Variants in IGDCC4 observed in about 807,000 individuals in gnomAD.
IGDCC4 encodes immunoglobulin superfamily DCC subclass member 4, also known as likely ortholog of mouse neighbor of Punc E11.
A neutral mutation model predicts 116.6 loss-of-function variants in IGDCC4; 72 were observed. That is an observed-to-expected ratio of 0.62 (90% CI 0.51 to 0.75). The LOEUF (loss-of-function observed/expected upper bound fraction) is 0.75, where lower values mean the gene tolerates loss of function less well. Among genes scored for constraint, IGDCC4 ranks in the 30% least tolerant of loss-of-function variants. The pLI is 0.00. For synonymous variants in IGDCC4, 709 were observed against 719.9 expected (o/e 0.98, Z 0.24); for missense variants, 1,501 against 1,662.4 (o/e 0.90, Z 1.69).
intron 1 of IGDCC4, among the ~76,000 whole-genome samples, chr15:65,422,519 A>AAC (rs140587709): frequency 0.13 from 16,982 of 131,156 alleles, 1,132 homozygotes; most frequent in South Asian, 0.16. Flanking sequence ...GAGCACTCCC[A>AAC]ACACACACAC....
chr15:65,393,645 T>A lies in IGDCC4; in HGVS notation c.1715-114A>T. On this transcript the variant is annotated intron_variant, in intron 9 of 19. Transcript: ENST00000352385. This position sits in a 1 kb window ranked among gnomAD's most constrained non-coding sequence, Gnocchi z 4.6. Reference sequence around the variant, plus strand: ...CGGTTCCTCCGTGCCCGTGGGAGCCTGAGGCGTTCTCAGCACTGACCCCTC... The same window carrying A: ...CGGTTCCTCCGTGCCCGTGGGAGCCAGAGGCGTTCTCAGCACTGACCCCTC... 1.8e-6 allele frequency: 2 copies of A among 1,117,086 alleles called. No homozygotes were observed. Among genetic ancestry groups the A allele is most frequent in the Non-Finnish European group, 2.5e-6 (2 of 792,752 alleles). The allele number at this position is 1,117,086 out of a possible 1,614,324, so 69.2% of individuals were successfully genotyped here.
rs114525964 is a variant in IGDCC4, at chr15:65,385,326, G to A, written c.3181-211C>T. ...AGGATGAGTCCTCCTGCAGAGGAGCGGAACACCAGACGCTCTGCAAAGCCC... is the reference window on the plus strand; with the variant it reads ...AGGATGAGTCCTCCTGCAGAGGAGCAGAACACCAGACGCTCTGCAAAGCCC... On this transcript the variant is annotated intron_variant, in intron 18 of 19. Coordinates refer to ENST00000352385, the MANE Select transcript of IGDCC4 (RefSeq NM_020962.3). 6.2e-4 allele frequency: 363 copies of A among 587,228 alleles called. 2 individuals carry two copies. In the African/African-American group the frequency reaches 6.5e-3, roughly 10 times the overall value. 36.4% of individuals were successfully genotyped at this position (587,228 alleles called of 1,614,324 possible).
chr15:65,414,191 GA>G (rs1046804249), intron 1 of IGDCC4, among the ~76,000 whole-genome samples: 20 of 152,238 alleles, frequency 1.3e-4, no homozygotes, highest in African/African-American at 4.8e-4. Flanking sequence ...ATGGCTGCGT[GA>G]AATAAGGAGG....
chr15:65,384,972 C>T lies in IGDCC4; in HGVS notation c.3324G>A (p.Leu1108=). Residue 1108 remains leucine (L), a synonymous_variant, in exon 19 of 20, where the codon CTG becomes CTA. Coordinates refer to ENST00000352385, the MANE Select transcript of IGDCC4 (RefSeq NM_020962.3). The surrounding 1 kb of genome is among the most constrained non-coding windows in gnomAD (Gnocchi z 4.9). ...CGCTGACCTTTATGGCGTCGTACAC[C>T]AGAGCCTGCAGCAACAGCGTCTGCC... ...GTGQTLLLQA[L]VYDAIKGNGR... is the part of the protein sequence containing the mutation. The T allele has an allele frequency of 6.2e-7, 1 of 1,611,064 alleles. No individual in the cohort carries two copies. Among genetic ancestry groups the T allele is most frequent in the Non-Finnish European group, 8.5e-7 (1 of 1,178,898 alleles).
Position 65,393,438 on chromosome 15 carries a change from G to A in IGDCC4, c.1808C>T (p.Ala603Val). 2 of 1,613,814 alleles carry A rather than the reference G, an allele frequency of 1.2e-6. No homozygotes were observed. Among genetic ancestry groups the A allele is most frequent in the Non-Finnish European group, 1.7e-6 (2 of 1,179,864 alleles). The change falls in exon 10 of 20, where the codon GCT (alanine) becomes GTT (valine). Residue 603 changes from alanine (A) to valine (V), a missense_variant. By Grantham distance (64) the Ala-to-Val change is moderately conservative (BLOSUM62 0). Coordinates refer to ENST00000352385, the MANE Select transcript of IGDCC4 (RefSeq NM_020962.3). The surrounding 1 kb of genome is among the most constrained non-coding windows in gnomAD (Gnocchi z 4.6). Reference protein sequence around the residue: ...PNKVYRVRISAGTAAGFGAPS... With the variant: ...PNKVYRVRISVGTAAGFGAPS... Reference sequence around the variant, plus strand: ...GGCCCCGAAGCCGGCTGCTGTACCAGCCGAAATCCGTACTCGATACACCTT... The same window carrying A: ...GGCCCCGAAGCCGGCTGCTGTACCAACCGAAATCCGTACTCGATACACCTT...
At chr15:65,419,201 G>A (rs2063168974) in intron 1 of IGDCC4, among the ~76,000 whole-genome samples, 1 of 149,710 alleles carries the variant, frequency 6.7e-6, no homozygotes, top group African/African-American at 2.5e-5. Context: ...GGACAACAGG[G>A]AACACCACCA....
rs2091419270 is a variant in IGDCC4, at chr15:65,383,308, T to A, written c.*701A>T. 1 of 153,112 alleles carries A rather than the reference T, an allele frequency of 6.5e-6. No homozygotes were observed. The highest frequency in any genetic ancestry group is 2.4e-5 in the African/African-American group (1 of 41,408). 9.5% of individuals were successfully genotyped at this position (153,112 alleles called of 1,614,324 possible). A position where few individuals can be genotyped will look rare whatever the true frequency, so the allele number is the denominator to read the frequency against. On this transcript the variant is annotated 3_prime_UTR_variant, in exon 20 of 20. Coordinates refer to ENST00000352385, the MANE Select transcript of IGDCC4 (RefSeq NM_020962.3). ...GTATCTGGGAGCAGGAGAAGGGCAC[T>A]GGTGCTGGGAGAGCGAGGTGACTGG...
chr15:65,390,071 T>G lies in IGDCC4; in HGVS notation c.2408+84A>C, dbSNP rs182028144. 11 of 1,278,746 alleles carry G rather than the reference T, an allele frequency of 8.6e-6. No homozygotes were observed. The East Asian group carries it at 2.6e-4, about 30-fold the overall frequency. 79.2% of individuals were successfully genotyped at this position (1,278,746 alleles called of 1,614,324 possible). A position where few individuals can be genotyped will look rare whatever the true frequency, so the allele number is the denominator to read the frequency against. ...TTCCTGAATCCCAGGGGCCCTTCCC[T>G]GATCACCACCTGCTGCCTTCCCACC... On this transcript the variant is annotated intron_variant, in intron 13 of 19. Transcript: ENST00000352385.
Position 65,389,350 on chromosome 15 carries a change from G to C in IGDCC4, c.2470C>G (p.Gln824Glu). The change falls in exon 14 of 20, where the codon CAG becomes GAG. Residue 824 changes from glutamine (Q) to glutamate (E), a missense_variant. By Grantham distance (29) the Gln-to-Glu change is conservative. Coordinates refer to ENST00000352385, the MANE Select transcript of IGDCC4 (RefSeq NM_020962.3). ...CCATCCATGTCCACGCCGTGAGACT[G>C]CACTGCAAACTCGTATTTGGTGAAT... Reference protein sequence around the residue: ...KPFTKYEFAVQSHGVDMDGPF... With the variant: ...KPFTKYEFAVESHGVDMDGPF... 6.2e-7 allele frequency: 1 copy of C among 1,614,202 alleles called. No homozygotes were observed.
chr15:65,414,526 G>T (rs1039397252), intron 1 of IGDCC4, among the ~76,000 whole-genome samples: 2 of 152,154 alleles, frequency 1.3e-5, no homozygotes, highest in Admixed American at 1.3e-4. Flanking sequence ...AACTTTTCTG[G>T]GACTCAGTTT....
intron 1 of IGDCC4, among the ~76,000 whole-genome samples, chr15:65,414,297 AC>A (rs1264250298): frequency 6.6e-6 from 1 of 152,156 alleles, no homozygotes; most frequent in East Asian, 1.9e-4. Flanking sequence ...TTTCTGCTGG[AC>A]ACCTCTGGCT....
chr15:65,392,479 A>T (rs980903815), intron 10 of IGDCC4, 109 bp from the exon 11 acceptor site: 2 of 841,570 alleles, frequency 2.4e-6, no homozygotes, highest in African/African-American at 3.4e-5. Flanking sequence ...AGACAGGAAG[A>T]TGGCATTCAG....
Position 65,388,583 on chromosome 15 carries a change from T to C in IGDCC4, c.2711A>G (p.Asn904Ser), listed in dbSNP as rs1404628893. ...HQWTLLTTQG[N>S]IFSAEVHGLE... ...GCCATGGACCTCAGCACTGAAGATG[T>C]TTCCTGGGGGTGAGGGAGGCAGGGA... The change falls in exon 16 of 20, where the codon AAC (asparagine) becomes AGC (serine). Residue 904 changes from asparagine (N) to serine (S), a missense_variant. By Grantham distance (46) the Asn-to-Ser change is conservative. Around this residue, in one of 3 missense-constraint regions of IGDCC4, gnomAD observed 235 missense variants for 328.0 expected, o/e 0.72. Coordinates refer to ENST00000352385, the MANE Select transcript of IGDCC4 (RefSeq NM_020962.3). 1 of 1,614,030 alleles carries C rather than the reference T, an allele frequency of 6.2e-7. No homozygotes were observed. The highest frequency in any genetic ancestry group is 8.5e-7 in the Non-Finnish European group (1 of 1,180,024).
At position 65,382,520 on chromosome 15, in the gene IGDCC4, C is replaced by T. The variant is rs978824911; in HGVS notation, c.*1489G>A. 3 of 152,102 alleles carry T rather than the reference C, an allele frequency of 2.0e-5. No individual in the cohort carries two copies. The highest frequency in any genetic ancestry group is 2.1e-4 in the South Asian group (1 of 4,806). The allele number at this position is 152,102 out of a possible 1,614,324, so 9.4% of individuals were successfully genotyped here. A position where few individuals can be genotyped will look rare whatever the true frequency, so the allele number is the denominator to read the frequency against. On this transcript the variant is annotated 3_prime_UTR_variant, in exon 20 of 20. Coordinates refer to ENST00000352385, the MANE Select transcript of IGDCC4 (RefSeq NM_020962.3). The stretch of plus-strand genomic sequence containing the variant: ...CATCATTAGGGAGTAAAGACCCTAA[C>T]ATTCTATGCTCCTATGAGAGGGCTG...
Position 65,385,207 on chromosome 15 carries a change from G to A in IGDCC4, c.3181-92C>T, listed in dbSNP as rs1271624578. The stretch of plus-strand genomic sequence containing the variant: ...GGGAGGGAATTGGGATGGGCCGCGG[G>A]GGAGCAGGGTCCAGACTGTCACCCG... On this transcript the variant is annotated intron_variant, in intron 18 of 19. Coordinates refer to ENST00000352385, the MANE Select transcript of IGDCC4 (RefSeq NM_020962.3). 3.8e-6 allele frequency: 5 copies of A among 1,333,064 alleles called. No individual in the cohort carries two copies. The East Asian group carries it at 1.3e-4, about 35-fold the overall frequency. The allele number at this position is 1,333,064 out of a possible 1,614,324, so 82.6% of individuals were successfully genotyped here.
At chr15:65,391,770 G>A (rs940081999) in intron 12 of IGDCC4, 110 bp downstream of exon 12, 16 of 917,396 alleles carry the variant, frequency 1.7e-5, no homozygotes, top group Non-Finnish European at 2.8e-5. Flanking sequence ...GGCATGAGCT[G>A]AGGCTACTAA....
rs527586776 is a variant in IGDCC4 at position 65,395,467 on chromosome 15, AC to A, written c.1412-210del. 2.1e-3 allele frequency among the ~76,000 whole-genome samples: 314 copies of A among 151,292 alleles called. 3 individuals are homozygous for A. Among genetic ancestry groups the A allele is most frequent in the Middle Eastern group, 0.021 (6 of 292 alleles). ...GGTTAGGGAGTGCTTTCTGGAAATG[AC>A]CCCCCTCTCCAGTTAGTTAACTGGG... is the stretch of plus-strand genomic sequence containing the variant. On this transcript the variant is annotated intron_variant, in intron 7 of 19. Transcript: ENST00000352385.
rs372823717 is a variant in IGDCC4 at position 65,400,822 on chromosome 15, C to T, written c.825G>A (p.Val275=). The part of the protein sequence containing the change: ...CVASADPTPF[V]SWVRQDGKPI... Reference sequence around the variant, plus strand: ...TCCACTCACCTTGTCGGACCCAGGACACAAAAGGGGTGGGGTCAGCTGAGG... The same window carrying T: ...TCCACTCACCTTGTCGGACCCAGGATACAAAAGGGGTGGGGTCAGCTGAGG... Residue 275 remains valine, a synonymous_variant, in exon 5 of 20, where the codon GTG becomes GTA. Transcript: ENST00000352385. The T allele has an allele frequency of 9.6e-5, 154 of 1,607,806 alleles. No homozygotes were observed. The highest frequency in any genetic ancestry group is 1.2e-4 in the Non-Finnish European group (142 of 1,176,358).
Position 65,388,574 on chromosome 15 carries a change from C to A in IGDCC4, c.2720G>T (p.Ser907Ile). The part of the protein sequence containing the change: ...TLLTTQGNIF[S>I]AEVHGLESDT... ...GCTCTCCAGGCCATGGACCTCAGCA[C>A]TGAAGATGTTTCCTGGGGGTGAGGG... is the stretch of plus-strand genomic sequence containing the variant. The change falls in exon 16 of 20, where the codon AGT becomes ATT. Residue 907 changes from serine (S) to isoleucine (I), a missense_variant. Transcript: ENST00000352385. 6.2e-7 allele frequency: 1 copy of A among 1,614,102 alleles called. No homozygotes were observed. The highest frequency in any genetic ancestry group is 8.5e-7 in the Non-Finnish European group (1 of 1,180,034).
Sources: gnomAD v4.1 joint callset for allele counts (sites outside exome capture counted in the v4.1 genomes callset) on GRCh38, gnomAD v4.1.1 for gene constraint, gnomAD v4.1.1 regional missense constraint, Gnocchi (gnomAD v3.1) non-coding constraint, MANE v1.5 for transcripts, NCBI Gene and HGNC (gene_info 2026-07-23, HGNC 2026-07-21) for gene names.